Variants in TBATA observed in about 807,000 individuals in gnomAD.
TBATA encodes the protein protein TBATA.
Under a neutral mutation model 38.7 loss-of-function variants are expected in TBATA, and 47 were observed. The observed-to-expected ratio is 1.21, with a 90% CI of 0.96 to 1.55. The LOEUF is 1.55. TBATA is among the 40% of genes most tolerant of loss of function. The pLI is 0.00. For missense variants in TBATA, 436 were observed against 435.6 expected, an observed-to-expected ratio of 1.00 and a Z score of -0.01; for synonymous variants, 183 against 170.5, an observed-to-expected ratio of 1.07 and a Z score of -0.57.
rs528748612 is a variant in TBATA at position 70,779,996 on chromosome 10, A to G, written c.278-254T>C. On this transcript the variant is annotated intron_variant, in intron 4 of 10. Transcript: ENST00000456372. ...CTGTGATTTGGGCAGAGGTGAGACAAGAACTTAGGCTTCCTGGGCCCCTAG... is the reference window on the plus strand; with the variant it reads ...CTGTGATTTGGGCAGAGGTGAGACAGGAACTTAGGCTTCCTGGGCCCCTAG... Among the ~76,000 whole-genome samples, 4 of 152,284 alleles carry G rather than the reference A, an allele frequency of 2.6e-5. No homozygotes were observed. The South Asian group carries it at 8.3e-4, about 32-fold the overall frequency.
chr10:70,774,371 C>T lies in TBATA; in HGVS notation c.776-14G>A. On this transcript the variant is annotated splice_polypyrimidine_tract_variant and intron_variant, in intron 8 of 10. Coordinates refer to ENST00000456372, the MANE Select transcript of TBATA (RefSeq NM_001318241.2). ...CGAGGTCTTTTTCTGAAAGCACAGCCCGGGGGCAGTGTCCTCAGCCCCCAG... is the reference window on the plus strand; with the variant it reads ...CGAGGTCTTTTTCTGAAAGCACAGCTCGGGGGCAGTGTCCTCAGCCCCCAG... 1 of 1,575,390 alleles carries T rather than the reference C, an allele frequency of 6.3e-7. No homozygotes were observed. The highest frequency in any genetic ancestry group is 8.6e-7 in the Non-Finnish European group (1 of 1,160,638).
chr10:70,775,282 A>G lies in TBATA; in HGVS notation c.694-12T>C. The G allele has an allele frequency of 6.2e-7, 1 of 1,611,858 alleles. No individual in the cohort carries two copies. Among genetic ancestry groups the G allele is most frequent in the Non-Finnish European group, 8.5e-7 (1 of 1,177,992 alleles). On this transcript the variant is annotated splice_polypyrimidine_tract_variant and intron_variant, in intron 7 of 10. Coordinates refer to ENST00000456372, the MANE Select transcript of TBATA (RefSeq NM_001318241.2). ...AGGAGCTCCAGGACCTGTGGGCAGG[A>G]GGCCAGCACATTCCAGCCAGGAGTA...
At chr10:70,782,559 A>T (rs1844378753) in intron 3 of TBATA, 1 of 985,350 alleles carries the variant, frequency 1.0e-6, no homozygotes, top group Non-Finnish European at 1.2e-6. Context: ...AGGCCAGACC[A>T]GACCAGCAAG....
chr10:70,777,604 A>G (rs1481182293), intron 6 of TBATA, among the ~76,000 whole-genome samples: 1 of 152,152 alleles, frequency 6.6e-6, no homozygotes, highest in East Asian at 1.9e-4. Context: ...TTAAACCAGC[A>G]AAAGCTCTTC....
Position 70,783,497 on chromosome 10 carries a change from G to T in TBATA, c.-118C>A. On this transcript the variant is annotated 5_prime_UTR_variant, in exon 3 of 11. Coordinates refer to ENST00000456372, the MANE Select transcript of TBATA (RefSeq NM_001318241.2). ...TGCAGAACAGGAACTCTCACGAACT[G>T]GTGGTGGAAGTGTAAACGGGAACAG... 8.3e-7 allele frequency: 1 copy of T among 1,206,590 alleles called. No homozygotes were observed. The allele number at this position is 1,206,590 out of a possible 1,614,324, so 74.7% of individuals were successfully genotyped here.
At chr10:70,782,361 C>A (rs1262545261) in intron 3 of TBATA, 1 of 1,370,228 alleles carries the variant, frequency 7.3e-7, no homozygotes, top group Non-Finnish European at 9.6e-7. Context: ...ACCTACTCAT[C>A]AAAATACCCA....
intron 7 of TBATA, chr10:70,776,208 C>T: frequency 2.7e-6 from 1 of 368,552 alleles, no homozygotes; most frequent in Non-Finnish European, 5.6e-6. Flanking sequence ...TGGGCTGGGC[C>T]TCTCCCCAGG....
chr10:70,773,473 G>GCC lies in TBATA; in HGVS notation c.920+739_920+740insGG, dbSNP rs770534823. Among the ~76,000 whole-genome samples the GCC allele has an allele frequency of 6.2e-3, 942 of 151,430 alleles. 7 individuals are homozygous for GCC. The highest frequency in any genetic ancestry group is 9.2e-3 in the Non-Finnish European group (622 of 67,848). ...GACTGTTAAAAATACAGGCCCCCCC[G>GCC]GCTTCACCCCGGCCTGCTATGTTAG... On this transcript the variant is annotated intron_variant, in intron 9 of 10. Coordinates refer to ENST00000456372, the MANE Select transcript of TBATA (RefSeq NM_001318241.2).
intron 10 of TBATA, chr10:70,772,233 G>T: frequency 1.6e-6 from 1 of 627,362 alleles, no homozygotes; most frequent in Non-Finnish European, 3.1e-6. Context: ...CTCCTCCCCA[G>T]GTGTTTTAAT....
At position 70,775,944 on chromosome 10, in the gene TBATA, C is replaced by A. The variant is rs142545385; in HGVS notation, c.694-674G>T. Among the ~76,000 whole-genome samples, 357 of 152,346 alleles carry A rather than the reference C, an allele frequency of 2.3e-3. 1 individual carries two copies. The highest frequency in any genetic ancestry group is 8.3e-3 in the African/African-American group (347 of 41,578). Reference sequence around the variant, plus strand: ...TTGCTACTTCCGGGCTCATTTTCCCCTGCGTTCTCCAGTCAGTTAGCATCA... The same window carrying A: ...TTGCTACTTCCGGGCTCATTTTCCCATGCGTTCTCCAGTCAGTTAGCATCA... On this transcript the variant is annotated intron_variant, in intron 7 of 10. Transcript: ENST00000456372.
At chr10:70,777,581 T>G (rs1429096110) in intron 6 of TBATA, among the ~76,000 whole-genome samples, 6 of 152,118 alleles carry the variant, frequency 3.9e-5, no homozygotes, top group Non-Finnish European at 8.8e-5. Flanking sequence ...CCTTCCACTA[T>G]CAGCTATCAC....
intron 10 of TBATA, among the ~76,000 whole-genome samples, chr10:70,771,702 T>A (rs999257600): frequency 4.6e-5 from 7 of 152,208 alleles, no homozygotes; most frequent in Non-Finnish European, 8.8e-5. Context: ...TCTGTGCCTC[T>A]CTGCCAGGCA....
intron 9 of TBATA, 148 bp downstream of exon 9, chr10:70,774,065 C>T: frequency 1.8e-6 from 2 of 1,099,530 alleles, no homozygotes; most frequent in Non-Finnish European, 2.5e-6. Flanking sequence ...ACTAGAAGGT[C>T]CCTGGGGGAG....
At chr10:70,773,014 C>T (rs1842942953) in intron 9 of TBATA, among the ~76,000 whole-genome samples, 1 of 152,180 alleles carries the variant, frequency 6.6e-6, no homozygotes, top group African/African-American at 2.4e-5. Context: ...TACATCTCCC[C>T]ATGCCTTTTT....
rs374889420 is a variant in TBATA, at chr10:70,777,264, G to C, written c.582C>G (p.Pro194=). The C allele has an allele frequency of 6.2e-7, 1 of 1,613,600 alleles. No homozygotes were observed. The highest frequency in any genetic ancestry group is 1.7e-5 in the Admixed American group (1 of 60,020). ...KYSAETGRLI[P]ASTRAVGRRR... ...GGCGGCCGACAGCCCGGGTGGAAGC[G>C]GGGATGAGCCTCCCAGTCTCTGCTG... Residue 194 remains proline, a synonymous_variant, in exon 7 of 11, where the codon CCC becomes CCG. Transcript: ENST00000456372.
chr10:70,782,727 G>A (rs921079496), intron 3 of TBATA: 29 of 817,002 alleles, frequency 3.5e-5, no homozygotes, highest in Non-Finnish European at 4.0e-5. Context: ...CCCTTCCTGA[G>A]GACGCTATGC....
intron 7 of TBATA, among the ~76,000 whole-genome samples, chr10:70,776,941 C>T (rs7088513): frequency 0.23 from 34,584 of 151,988 alleles, 4,204 homozygotes; most frequent in Non-Finnish European, 0.27. Context: ...GGAGAGATCA[C>T]GGAACTAGGG....
At position 70,775,049 on chromosome 10, in the gene TBATA, TC is replaced by T. The variant is rs377130447; in HGVS notation, c.775+139del. 440 of 681,714 alleles carry T rather than the reference TC, an allele frequency of 6.5e-4. 2 individuals carry two copies. The African/African-American group carries it at 7.1e-3, about 11-fold the overall frequency. The allele number at this position is 681,714 out of a possible 1,614,324, so 42.2% of individuals were successfully genotyped here. ...CAGCTGGGAAGGGTTAGTTTGGGGC[TC>T]CAAAGTGGAGGAGAGGCCTCCATGG... On this transcript the variant is annotated intron_variant, in intron 8 of 10. Coordinates refer to ENST00000456372, the MANE Select transcript of TBATA (RefSeq NM_001318241.2).
chr10:70,772,525 C>T lies in TBATA; in HGVS notation c.962G>A (p.Ser321Asn), dbSNP rs148121646. 6.1e-5 allele frequency: 99 copies of T among 1,614,060 alleles called. No homozygotes were observed. In the African/African-American group the frequency reaches 1.2e-3, roughly 20 times the overall value. The change falls in exon 10 of 11, where the codon AGC (serine) becomes AAC (asparagine). Residue 321 changes from serine to asparagine, a missense_variant. Transcript: ENST00000456372. ...KKTKISPFTKSEKPEYIGEAQ... is the reference protein window; with the variant it reads ...KKTKISPFTKNEKPEYIGEAQ... ...ACTTGGAATCTTACCTGGTTTTTCG[C>T]TTTTTGTAAAAGGTGATATCTTCGT...
Sources: gnomAD v4.1 joint callset for allele counts (sites outside exome capture counted in the v4.1 genomes callset) on GRCh38, gnomAD v4.1.1 for gene constraint, MANE v1.5 for transcripts, NCBI Gene and HGNC (gene_info 2026-07-23, HGNC 2026-07-21) for gene names.